MAMDC2: variants seen among roughly 807,000 people sequenced by gnomAD.
MAMDC2 encodes MAM domain-containing protein 2.
Under a neutral mutation model 89.8 loss-of-function variants are expected in MAMDC2, and 57 were observed. The ratio of observed to expected loss-of-function variants is 0.63; its 90% CI spans 0.51 to 0.79. The LOEUF (loss-of-function observed/expected upper bound fraction) is 0.79, where lower values mean the gene tolerates loss of function less well. Ranked by LOEUF, MAMDC2 falls within the 30% of genes least tolerant of loss-of-function variation. The pLI is 0.00. For missense variants in MAMDC2, 800 were observed against 820.6 expected (o/e 0.97, Z 0.31); for synonymous variants, 313 against 293.4 (o/e 1.07, Z -0.68).
intron 2 of MAMDC2, among the ~76,000 whole-genome samples, chr9:70,107,901 AG>A (rs1300320955): frequency 1.3e-5 from 2 of 152,224 alleles, no homozygotes; most frequent in African/African-American, 4.8e-5. Context: ...AAGAATAAAA[AG>A]CAGAGACACT....
chr9:70,067,839 T>C (rs1340581316), intron 2 of MAMDC2, among the ~76,000 whole-genome samples: 1 of 152,226 alleles, frequency 6.6e-6, no homozygotes, highest in Non-Finnish European at 1.5e-5. Context: ...GGTGTTGCCA[T>C]GACAAAAACT....
chr9:70,147,115 G>C (rs2031429910), intron 9 of MAMDC2, among the ~76,000 whole-genome samples: 2 of 149,164 alleles, frequency 1.3e-5, no homozygotes, highest in Non-Finnish European at 3.0e-5. Context: ...AATTAGTCAG[G>C]CTGGGTGGTA....
intron 11 of MAMDC2, among the ~76,000 whole-genome samples, chr9:70,197,163 T>G (rs576397718): frequency 2.6e-5 from 4 of 152,238 alleles, no homozygotes; most frequent in African/African-American, 9.6e-5. Context: ...TGATCAGCAA[T>G]TGATGTAGAC....
intron 11 of MAMDC2, among the ~76,000 whole-genome samples, chr9:70,193,782 C>A (rs913921274): frequency 6.6e-6 from 1 of 151,988 alleles, no homozygotes; most frequent in Non-Finnish European, 1.5e-5. Flanking sequence ...TGAATGAATG[C>A]GGTGCACTCT....
At chr9:70,098,491 G>T (rs1218443696) in intron 2 of MAMDC2, among the ~76,000 whole-genome samples, 1 of 152,154 alleles carries the variant, frequency 6.6e-6, no homozygotes, top group Non-Finnish European at 1.5e-5. Flanking sequence ...TAGAAATCTT[G>T]ACATGTTTAA....
At chr9:70,181,380 T>G (rs1013559493) in intron 11 of MAMDC2, among the ~76,000 whole-genome samples, 5 of 152,222 alleles carry the variant, frequency 3.3e-5, no homozygotes, top group African/African-American at 1.2e-4. Context: ...TTTTTCTAAT[T>G]CTGTGAAGAA....
chr9:70,104,387 T>C (rs1488590830), intron 2 of MAMDC2, among the ~76,000 whole-genome samples: 4 of 152,208 alleles, frequency 2.6e-5, no homozygotes. Flanking sequence ...AGTTTGGCAG[T>C]TCTTCAAAAA....
chr9:70,097,625 G>C (rs778950956), intron 2 of MAMDC2, among the ~76,000 whole-genome samples: 4 of 152,128 alleles, frequency 2.6e-5, no homozygotes, highest in Non-Finnish European at 5.9e-5. Flanking sequence ...GTTTCTTACC[G>C]CTTGGGACCA....
intron 5 of MAMDC2, among the ~76,000 whole-genome samples, chr9:70,119,185 CAAA>C (rs5898117): frequency 4.1e-5 from 4 of 97,994 alleles, no homozygotes; most frequent in Non-Finnish European, 4.8e-5. Flanking sequence ...CATACCTTAG[CAAA>C]AAAAAAAAAA....
chr9:70,180,608 A>G (rs549226212), intron 11 of MAMDC2, among the ~76,000 whole-genome samples: 2 of 152,306 alleles, frequency 1.3e-5, no homozygotes, highest in South Asian at 4.1e-4. Flanking sequence ...CATTTCTCTA[A>G]TGACCAGTGA....
chr9:70,187,038 A>C (rs946841595), intron 11 of MAMDC2, among the ~76,000 whole-genome samples: 13 of 152,132 alleles, frequency 8.5e-5, no homozygotes, highest in Admixed American at 2.6e-4. Context: ...ACAAATATCC[A>C]AACTATATCA....
At chr9:70,044,459 TCCCTCTCCCG>T in intron 1 of MAMDC2, 115 bp from the exon 2 acceptor site, 3 of 866,598 alleles carry the variant, frequency 3.5e-6, no homozygotes, top group Non-Finnish European at 5.4e-6. Flanking sequence ...AGGTACTGCA[TCCCTCTCCCG>T]CCCCCTCCCG....
At chr9:70,145,718 T>C (rs2031382858) in intron 9 of MAMDC2, among the ~76,000 whole-genome samples, 1 of 152,176 alleles carries the variant, frequency 6.6e-6, no homozygotes, top group Admixed American at 6.5e-5. Context: ...TATTTATTCA[T>C]TTGGCTTTGA....
At chr9:70,205,109 G>C (rs2033196870) in intron 11 of MAMDC2, among the ~76,000 whole-genome samples, 1 of 152,148 alleles carries the variant, frequency 6.6e-6, no homozygotes, top group Admixed American at 6.5e-5. Flanking sequence ...GTTAGTTTCT[G>C]ACATTGCCAG....
At chr9:70,055,528 G>A (rs114324745) in intron 2 of MAMDC2, among the ~76,000 whole-genome samples, 7 of 152,184 alleles carry the variant, frequency 4.6e-5, no homozygotes, top group African/African-American at 7.2e-5. Flanking sequence ...CAAGTTGTAC[G>A]CTTCTCTGCA....
chr9:70,188,403 T>G (rs565824898), intron 11 of MAMDC2, among the ~76,000 whole-genome samples: 1 of 151,650 alleles, frequency 6.6e-6, no homozygotes, highest in Non-Finnish European at 1.5e-5. Context: ...TTTATTCTAT[T>G]ACTGTTTTTC....
At chr9:70,130,008 CTGTG>C (rs71364580) in intron 6 of MAMDC2, among the ~76,000 whole-genome samples, 23,165 of 146,988 alleles carry the variant, frequency 0.16, 1,751 homozygotes, top group Non-Finnish European at 0.17. Context: ...ACATGGCATT[CTGTG>C]TGTGTGTGTG....
chr9:70,154,899 C>T (rs1290313659), intron 9 of MAMDC2, among the ~76,000 whole-genome samples: 14 of 152,060 alleles, frequency 9.2e-5, no homozygotes, highest in Admixed American at 9.2e-4. Context: ...TAAACTGTGC[C>T]TTTTCCTATT....
chr9:70,202,438 T>C (rs1323855693), intron 11 of MAMDC2, among the ~76,000 whole-genome samples: 5 of 151,718 alleles, frequency 3.3e-5, no homozygotes, highest in Non-Finnish European at 7.4e-5. Context: ...ATAATGTCTG[T>C]TCTTTTACAT....
Sources: allele counts gnomAD v4.1 joint callset (sites outside exome capture counted in the v4.1 genomes callset), GRCh38; gene constraint gnomAD v4.1.1; transcripts MANE v1.5; gene names NCBI Gene and HGNC (gene_info 2026-07-23, HGNC 2026-07-21).